The following PID1 variants were observed in gnomAD, a reference collection of about 807,000 sequenced individuals.
The protein encoded by PID1 is phosphotyrosine interaction domain containing 1.
In PID1, 10 loss-of-function variants were observed where a neutral mutation model predicts 19.1. The ratio of observed to expected loss-of-function variants is 0.52; its 90% CI spans 0.32 to 0.89. The LOEUF (loss-of-function observed/expected upper bound fraction) is 0.89. Among genes scored for constraint, PID1 ranks in the 40% least tolerant of loss-of-function variants. PID1 has a pLI of 0.03. For synonymous variants in PID1, 130 were observed against 116.0 expected, an observed-to-expected ratio of 1.12 and a Z score of -0.78; for missense variants, 248 against 285.3, an observed-to-expected ratio of 0.87 and a Z score of 0.94.
chr2:229,168,427 T>C (rs1690645865), intron 1 of PID1, among the ~76,000 whole-genome samples: 1 of 152,184 alleles, frequency 6.6e-6, no homozygotes, highest in African/African-American at 2.4e-5. Flanking sequence ...TTATTTTTCC[T>C]CTGGCTGTGC....
At chr2:229,035,883 C>A (rs1187960725) in intron 2 of PID1, among the ~76,000 whole-genome samples, 2 of 152,152 alleles carry the variant, frequency 1.3e-5, no homozygotes, top group African/African-American at 4.8e-5. Context: ...GGCAGGTAAA[C>A]TGTCCTTAAC....
rs1186679329 is a variant in PID1 at position 229,258,825 on chromosome 2, G to GCAC, written c.30+12186_30+12188dup. ...TGCAGTGAGCTGAGATGGCGCCACT[G>GCAC]CACTCCAGCCTGGGCGACAAAGCGA... On this transcript the variant is annotated intron_variant, in intron 1 of 2. Transcript: ENST00000392055. Among the ~76,000 whole-genome samples, 4 of 139,814 alleles carry GCAC rather than the reference G, an allele frequency of 2.9e-5. No homozygotes were observed. In the East Asian group the frequency reaches 8.5e-4, roughly 30 times the overall value. 91.7% of individuals were successfully genotyped at this position (139,814 alleles called of 152,430 possible).
At chr2:229,133,141 T>C (rs1422061394) in intron 2 of PID1, among the ~76,000 whole-genome samples, 1 of 152,256 alleles carries the variant, frequency 6.6e-6, no homozygotes, top group African/African-American at 2.4e-5. Context: ...CCAAGTACAA[T>C]TTAGTTTGCT....
At chr2:229,101,538 G>A (rs1414684828) in intron 2 of PID1, among the ~76,000 whole-genome samples, 2 of 152,162 alleles carry the variant, frequency 1.3e-5, no homozygotes, top group African/African-American at 2.4e-5. Context: ...CTAACTATGG[G>A]CCAAATGCTA....
At chr2:229,245,427 T>G (rs1689976528) in intron 1 of PID1, among the ~76,000 whole-genome samples, 1 of 152,146 alleles carries the variant, frequency 6.6e-6, no homozygotes, top group Admixed American at 6.6e-5. Flanking sequence ...TCCTTCCCTC[T>G]CATCAGCCTT....
chr2:229,151,248 T>G (rs1453663340), intron 2 of PID1, among the ~76,000 whole-genome samples: 1 of 152,090 alleles, frequency 6.6e-6, no homozygotes, highest in Non-Finnish European at 1.5e-5. Context: ...CACCTGTGGA[T>G]AGACACAAAA....
chr2:229,138,463 G>T (rs1482141993), intron 2 of PID1, among the ~76,000 whole-genome samples: 1 of 151,978 alleles, frequency 6.6e-6, no homozygotes, highest in Non-Finnish European at 1.5e-5. Flanking sequence ...CATTTGACTT[G>T]GGTGATCACT....
intron 1 of PID1, among the ~76,000 whole-genome samples, chr2:229,233,007 T>A (rs1033301141): frequency 6.6e-6 from 1 of 151,902 alleles, no homozygotes; most frequent in Non-Finnish European, 1.5e-5. Context: ...AGTGAACAAG[T>A]GTGTGTTCCA....
At chr2:229,160,178 G>A (rs1234113160) in intron 1 of PID1, among the ~76,000 whole-genome samples, 1 of 152,152 alleles carries the variant, frequency 6.6e-6, no homozygotes, top group Non-Finnish European at 1.5e-5. Flanking sequence ...GCTTTCAGGA[G>A]GTTGAGACAA....
intron 2 of PID1, among the ~76,000 whole-genome samples, chr2:229,107,660 A>G (rs1388285468): frequency 6.6e-6 from 1 of 152,206 alleles, no homozygotes; most frequent in Non-Finnish European, 1.5e-5. Flanking sequence ...CAAGTTGTCG[A>G]CGGTGCTTTT....
intron 2 of PID1, among the ~76,000 whole-genome samples, chr2:229,149,156 A>G (rs1174519508): frequency 6.6e-6 from 1 of 151,984 alleles, no homozygotes; most frequent in Admixed American, 6.6e-5. Context: ...TTGGCATAGG[A>G]TTCAAGAAAT....
chr2:229,105,226 G>A (rs1280458791), intron 2 of PID1, among the ~76,000 whole-genome samples: 1 of 152,126 alleles, frequency 6.6e-6, no homozygotes, highest in Non-Finnish European at 1.5e-5. Context: ...GAGATTGGGG[G>A]CACTTCCTTT....
chr2:229,265,633 G>A (rs1690576940), intron 1 of PID1, among the ~76,000 whole-genome samples: 1 of 152,180 alleles, frequency 6.6e-6, no homozygotes. Flanking sequence ...AGGGCTGAAA[G>A]AAGCACACTG....
intron 1 of PID1, among the ~76,000 whole-genome samples, chr2:229,157,649 G>A (rs1690402744): frequency 6.6e-6 from 1 of 152,148 alleles, no homozygotes; most frequent in African/African-American, 2.4e-5. Context: ...GTCAAAGTGA[G>A]TACAAGGTAA....
chr2:229,196,550 C>T (rs13000364), intron 1 of PID1, among the ~76,000 whole-genome samples: 3 of 151,990 alleles, frequency 2.0e-5, no homozygotes, highest in Admixed American at 6.6e-5. Context: ...TTTCTAAGTA[C>T]ATCAGTTACA....
intron 2 of PID1, among the ~76,000 whole-genome samples, chr2:229,091,178 T>C (rs1694868242): frequency 6.6e-6 from 1 of 152,184 alleles, no homozygotes; most frequent in Non-Finnish European, 1.5e-5. Flanking sequence ...AGGGTTAGAA[T>C]ATATTCTGTT....
intron 1 of PID1, among the ~76,000 whole-genome samples, chr2:229,172,230 A>G (rs1690725168): frequency 6.6e-6 from 1 of 152,222 alleles, no homozygotes; most frequent in Non-Finnish European, 1.5e-5. Context: ...AAATAGTTTC[A>G]GGGTGGAATG....
At chr2:229,107,612 C>G (rs1487691212) in intron 2 of PID1, among the ~76,000 whole-genome samples, 1 of 151,952 alleles carries the variant, frequency 6.6e-6, no homozygotes, top group Non-Finnish European at 1.5e-5. Flanking sequence ...AAAGCCTAGA[C>G]AGACAACAAT....
chr2:229,193,271 G>C (rs942338968), intron 1 of PID1, among the ~76,000 whole-genome samples: 2 of 152,118 alleles, frequency 1.3e-5, no homozygotes, highest in Non-Finnish European at 2.9e-5. Flanking sequence ...GAGATTCTTG[G>C]CTAGACCCCT....
Sources: gnomAD v4.1 joint callset for allele counts (sites outside exome capture counted in the v4.1 genomes callset) on GRCh38, gnomAD v4.1.1 for gene constraint, MANE v1.5 for transcripts, NCBI Gene and HGNC (gene_info 2026-07-23, HGNC 2026-07-21) for gene names.